Variants in IRS1 observed in about 807,000 individuals in gnomAD.
IRS1 encodes the protein insulin receptor substrate 1.
IRS1 carries 34 observed loss-of-function variants against 65.6 expected under a neutral mutation model. That is an observed-to-expected ratio of 0.52 (90% CI 0.39 to 0.69). The LOEUF (loss-of-function observed/expected upper bound fraction) is 0.69, where lower values mean the gene tolerates loss of function less well. Ranked by LOEUF, IRS1 falls within the 30% of genes least tolerant of loss-of-function variation. IRS1 has a pLI of 0.00. For synonymous variants in IRS1, 699 were observed against 683.5 expected (o/e 1.02, Z -0.35); for missense variants, 1,641 against 1,720.2 (o/e 0.95, Z 0.81).
intron 1 of IRS1, among the ~76,000 whole-genome samples, chr2:226,773,813 A>T (rs1939209069): frequency 6.6e-6 from 1 of 152,154 alleles, no homozygotes; most frequent in South Asian, 2.1e-4. Context: ...GCCTTGGTTA[A>T]CTGTAACCAC....
chr2:226,789,651 G>A, intron 1 of IRS1, among the ~76,000 whole-genome samples: 1 of 152,184 alleles, frequency 6.6e-6, no homozygotes. Flanking sequence ...CCAACAGGAT[G>A]CATGTGTTAA....
At position 226,798,941 on chromosome 2, in the gene IRS1, G is replaced by T. The variant is rs1939826878; in HGVS notation, c.-203C>A. On this transcript the variant is annotated 5_prime_UTR_variant, in exon 1 of 2. Transcript: ENST00000305123. The surrounding 1 kb of genome is among the most constrained non-coding windows in gnomAD (Gnocchi z 9.4). ...AGCTGCTGAGCCCAGGAGAGAGCCC[G>T]ACCGGAGTTTTCGGGCGCTTCACGC... is the stretch of plus-strand genomic sequence containing the variant. The T allele has an allele frequency of 4.1e-6, 6 of 1,449,724 alleles. No homozygotes were observed. The highest frequency in any genetic ancestry group is 1.5e-5 in the South Asian group (1 of 67,420). The allele number at this position is 1,449,724 out of a possible 1,614,324, so 89.8% of individuals were successfully genotyped here. A position where few individuals can be genotyped will look rare whatever the true frequency, so the allele number is the denominator to read the frequency against.
chr2:226,748,265 C>T (rs1188081410), intron 1 of IRS1, among the ~76,000 whole-genome samples: 1 of 151,624 alleles, frequency 6.6e-6, no homozygotes, highest in Non-Finnish European at 1.5e-5. Flanking sequence ...CCCATATCTA[C>T]TAAAAATACA....
chr2:226,795,474 G>C lies in IRS1; in HGVS notation c.3265C>G (p.Arg1089Gly). Reference sequence around the variant, plus strand: ...CGCCGGCACCCTTGTGGGTCTGCACGGATCACTTTGGCACTCTGGTTGCGG... The same window carrying C: ...CGCCGGCACCCTTGTGGGTCTGCACCGATCACTTTGGCACTCTGGTTGCGG... ...PNRNQSAKVI[R>G]ADPQGCRRRH... The change falls in exon 1 of 2, where the codon CGT becomes GGT. Residue 1089 changes from arginine to glycine, a missense_variant. Physicochemically the swap from Arg to Gly is moderately radical, Grantham distance 125. This residue lies in a region of IRS1 where 1,324 missense variants were observed against 1,361.0 expected (regional missense o/e 0.97). Coordinates refer to ENST00000305123, the MANE Select transcript of IRS1 (RefSeq NM_005544.3). 8 of 1,613,538 alleles carry C rather than the reference G, an allele frequency of 5.0e-6. No homozygotes were observed. Among genetic ancestry groups the C allele is most frequent in the Non-Finnish European group, 6.8e-6 (8 of 1,180,034 alleles).
chr2:226,799,290 C>A lies in IRS1; in HGVS notation c.-552G>T. 2.5e-6 allele frequency: 3 copies of A among 1,196,926 alleles called. No homozygotes were observed. The highest frequency in any genetic ancestry group is 3.3e-5 in the Admixed American group (1 of 30,212). 74.1% of individuals were successfully genotyped at this position (1,196,926 alleles called of 1,614,324 possible). On this transcript the variant is annotated 5_prime_UTR_variant, in exon 1 of 2. Coordinates refer to ENST00000305123, the MANE Select transcript of IRS1 (RefSeq NM_005544.3). This position sits in a 1 kb window ranked among gnomAD's most constrained non-coding sequence, Gnocchi z 6.1. ...CTCCTCCTTCGCCTCCTCCCACCCCCCAACCGTCCCAGCCGCCACCAGCCG... is the reference window on the plus strand; with the variant it reads ...CTCCTCCTTCGCCTCCTCCCACCCCACAACCGTCCCAGCCGCCACCAGCCG...
At chr2:226,750,281 A>G (rs565908239) in intron 1 of IRS1, among the ~76,000 whole-genome samples, 82 of 151,754 alleles carry the variant, frequency 5.4e-4, no homozygotes, top group Admixed American at 3.4e-3. Context: ...GAATCATTAA[A>G]TGTGTTGTCT....
At chr2:226,740,263 A>T (rs373961819) in intron 1 of IRS1, among the ~76,000 whole-genome samples, 1 of 152,360 alleles carries the variant, frequency 6.6e-6, no homozygotes, top group East Asian at 1.9e-4. Context: ...TCATCACCAC[A>T]TCAGTATCTA....
chr2:226,796,200 T>G lies in IRS1; in HGVS notation c.2539A>C (p.Thr847Pro). The stretch of plus-strand genomic sequence containing the variant: ...AGGCGGCTATTGGTCTGAGCAGCTG[T>G]GTCCACCTTTCGAGGCAGATGGGGC... ...LQPHLPRKVD[T>P]AAQTNSRLAR... is the part of the protein sequence containing the mutation. Residue 847 changes from threonine (T) to proline (P), a missense_variant, in exon 1 of 2, where the codon ACA (threonine) becomes CCA (proline). Coordinates refer to ENST00000305123, the MANE Select transcript of IRS1 (RefSeq NM_005544.3). 1 of 1,613,446 alleles carries G rather than the reference T, an allele frequency of 6.2e-7. No individual in the cohort carries two copies. Among genetic ancestry groups the G allele is most frequent in the Admixed American group, 1.7e-5 (1 of 60,010 alleles).
At chr2:226,764,478 G>C (rs529399584) in intron 1 of IRS1, among the ~76,000 whole-genome samples, 1 of 152,240 alleles carries the variant, frequency 6.6e-6, no homozygotes, top group Admixed American at 6.5e-5. Flanking sequence ...AGGAGTGCGA[G>C]GCTGCAGGGA....
intron 1 of IRS1, among the ~76,000 whole-genome samples, chr2:226,761,975 C>G (rs913401362): frequency 6.6e-6 from 1 of 152,132 alleles, no homozygotes; most frequent in Non-Finnish European, 1.5e-5. Flanking sequence ...CCCTGCATTC[C>G]GCTTATCCAA....
rs554199049 is a variant in IRS1 at position 226,742,263 on chromosome 2, A to T, written c.*22-6013T>A. Reference sequence around the variant, plus strand: ...CAATTCTCAACTCTAAGGCCTTCAGATCATAATCACACACATCAAGTGAAG... The same window carrying T: ...CAATTCTCAACTCTAAGGCCTTCAGTTCATAATCACACACATCAAGTGAAG... On this transcript the variant is annotated intron_variant, in intron 1 of 1. Transcript: ENST00000305123. Among the ~76,000 whole-genome samples, 5 of 152,338 alleles carry T rather than the reference A, an allele frequency of 3.3e-5. No homozygotes were observed. The East Asian group carries it at 9.6e-4, about 29-fold the overall frequency.
At position 226,793,589 on chromosome 2, in the gene IRS1, CAG is replaced by C. The variant is rs543240226; in HGVS notation, c.*21+1398_*21+1399del. ...AATTATATGGATCAAATATTGGAAA[CAG>C]AATTAAGAAGACTATGAACACATGA... On this transcript the variant is annotated intron_variant, in intron 1 of 1. Transcript: ENST00000305123. Among the ~76,000 whole-genome samples, 51 of 152,038 alleles carry C rather than the reference CAG, an allele frequency of 3.4e-4. 1 individual carries two copies. Among genetic ancestry groups the C allele is most frequent in the Non-Finnish European group, 2.9e-4 (20 of 68,002 alleles).
chr2:226,764,373 T>G (rs940957588), intron 1 of IRS1, among the ~76,000 whole-genome samples: 1 of 151,810 alleles, frequency 6.6e-6, no homozygotes, highest in Non-Finnish European at 1.5e-5. Flanking sequence ...GCAAGACCCC[T>G]TCTCCAAAAA....
At chr2:226,785,440 T>C (rs1377312954) in intron 1 of IRS1, among the ~76,000 whole-genome samples, 2 of 151,930 alleles carry the variant, frequency 1.3e-5, no homozygotes, top group Non-Finnish European at 2.9e-5. Flanking sequence ...CTGTCTCTAC[T>C]AAAAATACAA....
In IRS1 at chr2:226,797,762, A is replaced by G; in HGVS notation, c.977T>C (p.Val326Ala). The change falls in exon 1 of 2, where the codon GTC becomes GCC. Residue 326 changes from valine (V) to alanine (A), a missense_variant. Physicochemically the swap from Val to Ala is moderately conservative, Grantham distance 64. Transcript: ENST00000305123. This position sits in a 1 kb window ranked among gnomAD's most constrained non-coding sequence, Gnocchi z 8.1. ...GCCTTCGCCGTCACTGGAGGCGCGG[A>G]CACGGAAGGAGCCTGGCTTCCCGCC... ...MVGGKPGSFRVRASSDGEGTM... is the reference protein window; with the variant it reads ...MVGGKPGSFRARASSDGEGTM... The G allele has an allele frequency of 1.3e-6, 2 of 1,595,152 alleles. No individual in the cohort carries two copies. Among genetic ancestry groups the G allele is most frequent in the Non-Finnish European group, 1.7e-6 (2 of 1,175,206 alleles).
chr2:226,795,391 T>C lies in IRS1; in HGVS notation c.3348A>G (p.Thr1116=), dbSNP rs772751270. 3.1e-6 allele frequency: 5 copies of C among 1,613,196 alleles called. No homozygotes were observed. The highest frequency in any genetic ancestry group is 4.2e-6 in the Non-Finnish European group (5 of 1,179,980). Residue 1116 remains threonine (T), a synonymous_variant, in exon 1 of 2, where the codon ACA becomes ACG. Transcript: ENST00000305123. The stretch of plus-strand genomic sequence containing the variant: ...CTGCTGCCCCCGCTCCAAAGGGCAC[T>C]GTGTTGCCCACCCGGGTGGCACTGG... ...STPSATRVGN[T]VPFGAGAAVG...
At chr2:226,751,009 C>A (rs1938667271) in intron 1 of IRS1, among the ~76,000 whole-genome samples, 1 of 152,082 alleles carries the variant, frequency 6.6e-6, no homozygotes, top group South Asian at 2.1e-4. Flanking sequence ...TAAATGAATA[C>A]TAAGAGGGCT....
chr2:226,773,541 A>C (rs1168182336), intron 1 of IRS1, among the ~76,000 whole-genome samples: 1 of 152,180 alleles, frequency 6.6e-6, no homozygotes, highest in Non-Finnish European at 1.5e-5. Flanking sequence ...GTGAGAGAGA[A>C]AGAAAAATCA....
At chr2:226,751,287 T>G (rs1938673495) in intron 1 of IRS1, among the ~76,000 whole-genome samples, 1 of 140,704 alleles carries the variant, frequency 7.1e-6, no homozygotes, top group South Asian at 2.5e-4. Context: ...TTTTTTTTTT[T>G]TTTTTTTTTT....
Sources: gnomAD v4.1 joint callset for allele counts (sites outside exome capture counted in the v4.1 genomes callset) on GRCh38, gnomAD v4.1.1 for gene constraint, gnomAD v4.1.1 regional missense constraint, Gnocchi (gnomAD v3.1) non-coding constraint, MANE v1.5 for transcripts, NCBI Gene and HGNC (gene_info 2026-07-23, HGNC 2026-07-21) for gene names.